CDH17: variants seen among roughly 807,000 people sequenced by gnomAD.
CDH17 encodes cadherin 17.
A neutral mutation model predicts 86.3 loss-of-function variants in CDH17; 67 were observed. The observed-to-expected ratio is 0.78, with a 90% CI of 0.64 to 0.95. The LOEUF (loss-of-function observed/expected upper bound fraction) is 0.95. Ranked by LOEUF, CDH17 falls within the 40% of genes least tolerant of loss-of-function variation. The pLI, the probability that CDH17 is intolerant of heterozygous loss-of-function variation, is 0.00. For missense variants in CDH17, 993 were observed against 1,017.6 expected (o/e 0.98, Z 0.33); for synonymous variants, 367 against 366.4 (o/e 1.00, Z -0.02).
chr8:94,193,342 G>C (rs1023780135), intron 2 of CDH17, among the ~76,000 whole-genome samples: 1 of 152,218 alleles, frequency 6.6e-6, no homozygotes, highest in Non-Finnish European at 1.5e-5. Flanking sequence ...GGAGGTCAGA[G>C]TCCATGTGGA....
rs559965881 is a variant in CDH17, at chr8:94,163,462, C to T, written c.1283-1300G>A. The stretch of plus-strand genomic sequence containing the variant: ...AGGAAGAGTGTAGCTGGGGGTGTCA[C>T]GCCCCCGTTGCCAACAGCCCTCTTC... On this transcript the variant is annotated intron_variant, in intron 10 of 17. Transcript: ENST00000027335. 1.6e-4 allele frequency among the ~76,000 whole-genome samples: 25 copies of T among 152,312 alleles called. 1 individual carries two copies. The South Asian group carries it at 4.6e-3, about 28-fold the overall frequency.
At chr8:94,142,056 C>T (rs761126078) in intron 15 of CDH17, among the ~76,000 whole-genome samples, 1 of 151,844 alleles carries the variant, frequency 6.6e-6, no homozygotes, top group Non-Finnish European at 1.5e-5. Flanking sequence ...TAGGTGGTCA[C>T]TTGATTTTTG....
At chr8:94,131,424 G>T (rs959307485) in intron 15 of CDH17, among the ~76,000 whole-genome samples, 1 of 152,090 alleles carries the variant, frequency 6.6e-6, no homozygotes. Flanking sequence ...AACATATATT[G>T]TTCATTCTAA....
chr8:94,155,218 G>A (rs1198988314), intron 12 of CDH17, among the ~76,000 whole-genome samples: 1 of 151,994 alleles, frequency 6.6e-6, no homozygotes, highest in Non-Finnish European at 1.5e-5. Context: ...TCCAATACAC[G>A]TCACGTGGTC....
At chr8:94,129,527 G>A (rs1812369380) in intron 17 of CDH17, among the ~76,000 whole-genome samples, 1 of 152,140 alleles carries the variant, frequency 6.6e-6, no homozygotes, top group Non-Finnish European at 1.5e-5. Flanking sequence ...CAGATGCTGA[G>A]AGAACAATCA....
At chr8:94,207,414 T>TAC (rs1310031256) in intron 1 of CDH17, among the ~76,000 whole-genome samples, 65 of 152,288 alleles carry the variant, frequency 4.3e-4, no homozygotes, top group African/African-American at 1.5e-3. Context: ...TAGGCAAGTC[T>TAC]CTAGTGGCAG....
intron 3 of CDH17, among the ~76,000 whole-genome samples, chr8:94,184,033 C>G (rs901665275): frequency 6.8e-6 from 1 of 148,124 alleles, no homozygotes. Flanking sequence ...ACTAGGATAG[C>G]TATAATTAAA....
intron 1 of CDH17, among the ~76,000 whole-genome samples, chr8:94,216,115 C>G (rs1347831299): frequency 6.6e-6 from 1 of 152,054 alleles, no homozygotes; most frequent in Non-Finnish European, 1.5e-5. Context: ...ATGACTAAAC[C>G]TAGTAACTCA....
rs560202997 is a variant in CDH17, at chr8:94,149,331, T to C, written c.1797-457A>G. Among the ~76,000 whole-genome samples, 22 of 152,256 alleles carry C rather than the reference T, an allele frequency of 1.4e-4. No individual in the cohort carries two copies. In the East Asian group the frequency reaches 3.9e-3, roughly 27 times the overall value. On this transcript the variant is annotated intron_variant, in intron 13 of 17. Coordinates refer to ENST00000027335, the MANE Select transcript of CDH17 (RefSeq NM_004063.4). Reference sequence around the variant, plus strand: ...GAGATGGGTGGATACTCATAGACCCTGGTAACACAGTGAATTCCTCATCCA... The same window carrying C: ...GAGATGGGTGGATACTCATAGACCCCGGTAACACAGTGAATTCCTCATCCA...
chr8:94,146,208 A>G, intron 14 of CDH17, 41 bp from the exon 15 acceptor site: 2 of 1,397,704 alleles, frequency 1.4e-6, no homozygotes, highest in Non-Finnish European at 1.9e-6. Context: ...CAGTTCACTC[A>G]TTTTCCTCTT....
chr8:94,134,850 G>T (rs1401698561), intron 15 of CDH17, among the ~76,000 whole-genome samples: 5 of 152,128 alleles, frequency 3.3e-5, no homozygotes, highest in African/African-American at 1.2e-4. Flanking sequence ...AGAGATTCTG[G>T]TACGTTGTGT....
chr8:94,194,775 G>A, intron 1 of CDH17, 70 bp from the exon 2 acceptor site: 1 of 795,610 alleles, frequency 1.3e-6, no homozygotes, highest in Non-Finnish European at 2.1e-6. Context: ...CAATCAGTAA[G>A]AATCAATGGA....
intron 12 of CDH17, among the ~76,000 whole-genome samples, chr8:94,156,710 A>G (rs1812955339): frequency 6.6e-6 from 1 of 152,320 alleles, no homozygotes; most frequent in Admixed American, 6.5e-5. Flanking sequence ...TGGCCCCCTT[A>G]GGCAACAGGG....
intron 7 of CDH17, among the ~76,000 whole-genome samples, chr8:94,172,662 T>C (rs910770681): frequency 1.3e-5 from 2 of 152,208 alleles, no homozygotes; most frequent in Admixed American, 6.5e-5. Flanking sequence ...ATTTTGTTCA[T>C]CTGCTTCCAA....
chr8:94,179,256 A>T (rs1813431845), intron 3 of CDH17, among the ~76,000 whole-genome samples: 1 of 152,168 alleles, frequency 6.6e-6, no homozygotes, highest in African/African-American at 2.4e-5. Flanking sequence ...ACATCTACTT[A>T]CAACACTTAT....
At chr8:94,158,736 C>T (rs1421038491) in intron 12 of CDH17, among the ~76,000 whole-genome samples, 1 of 152,162 alleles carries the variant, frequency 6.6e-6, no homozygotes, top group Non-Finnish European at 1.5e-5. Context: ...TCCACAGCAA[C>T]CTCTCTGCTG....
In CDH17 at chr8:94,130,729, G is replaced by A. The variant is rs760902048; in HGVS notation, c.2295C>T (p.Cys765=). 5 of 1,612,950 alleles carry A rather than the reference G, an allele frequency of 3.1e-6. No homozygotes were observed. The highest frequency in any genetic ancestry group is 4.5e-5 in the East Asian group (2 of 44,886). Residue 765 remains cysteine, a synonymous_variant, in exon 17 of 18, where the codon TGC becomes TGT. Coordinates refer to ENST00000027335, the MANE Select transcript of CDH17 (RefSeq NM_004063.4). ...EGIVSLPVTF[C]SCVEGSCFRP... ...GGAAACAACTTCCTTCCACACAACT[G>A]CAGAATGTAACTGAAAAGCAGGACA...
chr8:94,134,902 C>T (rs1392254109), intron 15 of CDH17, among the ~76,000 whole-genome samples: 1 of 152,104 alleles, frequency 6.6e-6, no homozygotes, highest in African/African-American at 2.4e-5. Context: ...TATTTTCTGC[C>T]TTCATTTCGT....
chr8:94,171,113 C>T (rs1813261723), intron 7 of CDH17, 128 bp from the exon 8 acceptor site: 7 of 951,834 alleles, frequency 7.4e-6, no homozygotes, highest in Non-Finnish European at 7.5e-6. Context: ...CTTGTAACAA[C>T]TGAATTACGT....
Sources: allele counts gnomAD v4.1 joint callset (sites outside exome capture counted in the v4.1 genomes callset), GRCh38; gene constraint gnomAD v4.1.1; transcripts MANE v1.5; gene names NCBI Gene and HGNC (gene_info 2026-07-23, HGNC 2026-07-21).